Variants in LYRM4 observed in about 807,000 individuals in gnomAD.
The protein encoded by LYRM4 is LYR motif containing 4.
A neutral mutation model predicts 11.7 loss-of-function variants in LYRM4; 9 were observed. That is an observed-to-expected ratio of 0.77 (90% CI 0.46 to 1.34). The LOEUF is 1.34. Ranked by LOEUF, LYRM4 falls within the 40% of genes most tolerant of loss-of-function variation. LYRM4 has a pLI of 0.00. For missense variants in LYRM4, 133 were observed against 112.5 expected (o/e 1.18, Z -0.82); for synonymous variants, 42 against 40.4 (o/e 1.04, Z -0.15).
intron 2 of LYRM4, among the ~76,000 whole-genome samples, chr6:5,120,337 T>C (rs752923604): frequency 3.9e-5 from 6 of 152,154 alleles, no homozygotes; most frequent in South Asian, 2.1e-4. Flanking sequence ...GAGGTTCCTA[T>C]TGAGGTCTGT....
the LYRM4 span, among the ~76,000 whole-genome samples, chr6:5,060,404 C>G: frequency 6.6e-6 from 1 of 151,792 alleles, no homozygotes; most frequent in East Asian, 1.9e-4. Flanking sequence ...TTCATGTAGG[C>G]CTTTTGGTTT....
intron 2 of LYRM4, among the ~76,000 whole-genome samples, chr6:5,154,743 C>T (rs982531162): frequency 3.3e-5 from 5 of 152,202 alleles, no homozygotes; most frequent in Middle Eastern, 3.4e-3. Context: ...GGCGTGAACC[C>T]GGGAGGCGGA....
chr6:5,174,462 A>G (rs557393229), intron 2 of LYRM4, among the ~76,000 whole-genome samples: 3 of 152,266 alleles, frequency 2.0e-5, no homozygotes, highest in African/African-American at 7.2e-5. Context: ...ATGCACAATG[A>G]TAGTCTTCAC....
At chr6:5,260,595 C>T (rs1765003018) in intron 1 of LYRM4, 53 bp downstream of exon 1, 5 of 1,206,664 alleles carry the variant, frequency 4.1e-6, no homozygotes, top group African/African-American at 3.2e-5. Flanking sequence ...CCCGCACCCC[C>T]GGTCCCCGGC....
rs1463739952 is a variant in LYRM4, at chr6:5,245,529, T to A, written c.86+15119A>T. Among the ~76,000 whole-genome samples, 4 of 152,202 alleles carry A rather than the reference T, an allele frequency of 2.6e-5. No homozygotes were observed. In the East Asian group the frequency reaches 7.7e-4, roughly 29 times the overall value. On this transcript the variant is annotated intron_variant, in intron 1 of 2. Coordinates refer to ENST00000330636, the MANE Select transcript of LYRM4 (RefSeq NM_020408.6). ...GACATGTTATAGCCAGGACTTTGCA[T>A]ACGGTGTCTGGAAGACAAGAGAGGG...
intron 2 of LYRM4, among the ~76,000 whole-genome samples, chr6:5,126,865 G>A (rs982788836): frequency 6.6e-5 from 10 of 152,102 alleles, no homozygotes; most frequent in African/African-American, 2.4e-4. Context: ...ATGAGTACGG[G>A]GTTTCTTTCT....
intron 2 of LYRM4, among the ~76,000 whole-genome samples, chr6:5,160,601 C>T (rs189990226): frequency 6.6e-6 from 1 of 152,002 alleles, no homozygotes; most frequent in Non-Finnish European, 1.5e-5. Context: ...TGCCTGCTGC[C>T]ATGTGAGATG....
At chr6:5,043,792 C>A in the LYRM4 span, among the ~76,000 whole-genome samples, 1 of 152,282 alleles carries the variant, frequency 6.6e-6, no homozygotes, top group South Asian at 2.1e-4. Flanking sequence ...CTCTCACATG[C>A]TGGGCCACTA....
At chr6:5,148,544 G>A (rs75956495) in intron 2 of LYRM4, among the ~76,000 whole-genome samples, 23 of 146,184 alleles carry the variant, frequency 1.6e-4, no homozygotes, top group African/African-American at 4.6e-4. Context: ...AAGTCATGGT[G>A]CCTTCTAAAT....
intron 2 of LYRM4, among the ~76,000 whole-genome samples, chr6:5,118,121 T>G (rs1329292108): frequency 0.013 from 1,888 of 142,090 alleles, 36 homozygotes; most frequent in African/African-American, 0.048. Context: ...TTTTGTTTTT[T>G]TTTTTGAGAC....
In LYRM4 at chr6:5,148,662, CCT is replaced by C. The variant is rs61670380; in HGVS notation, c.208-39173_208-39172del. Among the ~76,000 whole-genome samples the C allele has an allele frequency of 1.1e-3, 159 of 150,568 alleles. 2 individuals are homozygous for C. The highest frequency in any genetic ancestry group is 7.2e-3 in the Admixed American group (108 of 15,092). ...AGGTAATGACCTTTACACACACACA[CCT>C]CTCTCTCTCTCTCTCTCTCTGCTTA... On this transcript the variant is annotated intron_variant, in intron 2 of 2. Transcript: ENST00000330636.
intron 1 of LYRM4, among the ~76,000 whole-genome samples, chr6:5,221,184 G>A (rs1006183595): frequency 4.6e-5 from 7 of 152,044 alleles, no homozygotes; most frequent in Middle Eastern, 3.2e-3. Flanking sequence ...CCCCTTACAT[G>A]CTGTATTCTC....
At chr6:5,052,805 C>G in the LYRM4 span, among the ~76,000 whole-genome samples, 1 of 152,294 alleles carries the variant, frequency 6.6e-6, no homozygotes, top group Non-Finnish European at 1.5e-5. Flanking sequence ...CTTATGCTGT[C>G]TAAGGAGCCC....
chr6:5,166,676 C>T (rs1275016799), intron 2 of LYRM4, among the ~76,000 whole-genome samples: 3 of 152,176 alleles, frequency 2.0e-5, no homozygotes, highest in Non-Finnish European at 4.4e-5. Flanking sequence ...AATTATTGGT[C>T]TGGGTTTCAC....
intron 2 of LYRM4, among the ~76,000 whole-genome samples, chr6:5,176,083 G>A (rs75096820): frequency 2.9e-5 from 2 of 67,824 alleles, no homozygotes; most frequent in African/African-American, 1.1e-4. Flanking sequence ...TTTTTTTTTT[G>A]AGACAGAGTC....
At chr6:5,115,313 C>T (rs991863339) in intron 2 of LYRM4, among the ~76,000 whole-genome samples, 10 of 152,196 alleles carry the variant, frequency 6.6e-5, no homozygotes, top group African/African-American at 1.7e-4. Flanking sequence ...GTCCGGCTGA[C>T]GCTCCCTCTG....
the LYRM4 span, among the ~76,000 whole-genome samples, chr6:5,071,188 C>CAA: frequency 4.1e-5 from 6 of 146,872 alleles, no homozygotes; most frequent in African/African-American, 1.5e-4. Flanking sequence ...GACTCTGTCT[C>CAA]AAAAAAAAAA....
intron 2 of LYRM4, among the ~76,000 whole-genome samples, chr6:5,140,497 C>T (rs557085066): frequency 2.0e-5 from 3 of 152,254 alleles, no homozygotes; most frequent in African/African-American, 7.2e-5. Context: ...CGTTGAAGGA[C>T]ACCAACACAA....
At position 5,201,377 on chromosome 6, in the gene LYRM4, G is replaced by A. The variant is rs375480893; in HGVS notation, c.207+15241C>T. ...CAAGAATTTCAGATCCCTGAGAGTG[G>A]CCTGGAAACATACCAATGCATCAAA... On this transcript the variant is annotated intron_variant, in intron 2 of 2. Coordinates refer to ENST00000330636, the MANE Select transcript of LYRM4 (RefSeq NM_020408.6). Among the ~76,000 whole-genome samples the A allele has an allele frequency of 2.1e-3, 327 of 152,262 alleles. 2 individuals carry two copies. Among genetic ancestry groups the A allele is most frequent in the African/African-American group, 6.9e-3 (286 of 41,566 alleles).
Sources: allele counts gnomAD v4.1 joint callset (sites outside exome capture counted in the v4.1 genomes callset), GRCh38; gene constraint gnomAD v4.1.1; transcripts MANE v1.5; gene names NCBI Gene and HGNC (gene_info 2026-07-23, HGNC 2026-07-21).